The following LSP1 variants were observed in gnomAD, a reference collection of about 807,000 sequenced individuals.
The protein encoded by LSP1 is lymphocyte-specific protein 1.
LSP1 carries 32 observed loss-of-function variants against 49.3 expected under a neutral mutation model. The ratio of observed to expected loss-of-function variants is 0.65; its 90% CI spans 0.49 to 0.87. LSP1 has a LOEUF of 0.87. Ranked by LOEUF, LSP1 falls within the 40% of genes least tolerant of loss-of-function variation. The probability of loss-of-function intolerance (pLI) is 0.00; values close to 1 mark genes in which losing one functional copy is unlikely to be tolerated. For synonymous variants in LSP1, 179 were observed against 178.8 expected (o/e 1.00, Z -0.01); for missense variants, 428 against 442.6 (o/e 0.97, Z 0.30).
At chr11:1,866,319 C>G in intron 1 of LSP1, 2 of 647,094 alleles carry the variant, frequency 3.1e-6, no homozygotes, top group East Asian at 5.8e-5. Flanking sequence ...TTGCCACTGC[C>G]CACCCAGGCC....
intron 1 of LSP1, among the ~76,000 whole-genome samples, chr11:1,861,891 A>T (rs1306994710): frequency 1.2e-4 from 17 of 141,024 alleles, no homozygotes; most frequent in African/African-American, 4.6e-4. Context: ...GGATGAATAG[A>T]TGGATGGGTG....
At chr11:1,857,102 G>T (rs1847508267) in intron 1 of LSP1, among the ~76,000 whole-genome samples, 1 of 152,238 alleles carries the variant, frequency 6.6e-6, no homozygotes, top group African/African-American at 2.4e-5. Flanking sequence ...AGTTTCCCAG[G>T]GAAGCAGAAG....
At chr11:1,870,340 G>T in intron 1 of LSP1, 1 of 1,285,204 alleles carries the variant, frequency 7.8e-7, no homozygotes, top group South Asian at 1.2e-5. Context: ...AGCACCCGGG[G>T]ACATACACCG....
At chr11:1,872,589 G>A (rs1311176461) in intron 1 of LSP1, among the ~76,000 whole-genome samples, 2 of 137,338 alleles carry the variant, frequency 1.5e-5, no homozygotes, top group Admixed American at 7.1e-5. Flanking sequence ...GAGGGGGTGT[G>A]TGTGGCAGGC....
intron 1 of LSP1, chr11:1,866,902 G>A: frequency 1.3e-6 from 2 of 1,515,454 alleles, no homozygotes; most frequent in Non-Finnish European, 8.8e-7. Flanking sequence ...AGCACCAACT[G>A]CAGCCCCAGG....
At chr11:1,868,623 G>A in intron 1 of LSP1, 10 of 982,140 alleles carry the variant, frequency 1.0e-5, no homozygotes, top group Non-Finnish European at 1.1e-5. Context: ...GGCTGCCTTG[G>A]GCCCATCCAG....
At chr11:1,872,276 CG>C (rs1848062125) in intron 1 of LSP1, among the ~76,000 whole-genome samples, 22 of 43,696 alleles carry the variant, frequency 5.0e-4, no homozygotes, top group South Asian at 2.3e-3. Flanking sequence ...GGGGTCTGTC[CG>C]GCTGGCGTGG....
rs539424196 is a variant in LSP1, at chr11:1,872,479, C to A, written c.54-7608C>A. Among the ~76,000 whole-genome samples the A allele has an allele frequency of 1.5e-3, 196 of 132,382 alleles. 1 individual carries two copies. The highest frequency in any genetic ancestry group is 4.1e-3 in the African/African-American group (139 of 34,182). The allele number at this position is 132,382 out of a possible 152,430, so 86.8% of individuals were successfully genotyped here. On this transcript the variant is annotated intron_variant, in intron 1 of 10. Transcript: ENST00000311604. ...GGGGTCTGTCCGCTGGCGTGGGCAC[C>A]TTTGGGATGGGGTGTGTGTGGTGGG...
intron 1 of LSP1, among the ~76,000 whole-genome samples, chr11:1,856,303 T>C (rs907614): frequency 0.66 from 100,256 of 152,192 alleles, 33,207 homozygotes; most frequent in East Asian, 0.78. Flanking sequence ...TGGGTGGCCA[T>C]GCCAGGCCCT....
chr11:1,868,127 A>C (rs1006044053), intron 1 of LSP1, among the ~76,000 whole-genome samples: 3 of 152,184 alleles, frequency 2.0e-5, no homozygotes, highest in Non-Finnish European at 4.4e-5. Context: ...AGGGGACCTC[A>C]AGAGGACTTC....
intron 1 of LSP1, among the ~76,000 whole-genome samples, chr11:1,861,062 G>A (rs900175955): frequency 1.3e-5 from 2 of 152,140 alleles, no homozygotes; most frequent in East Asian, 3.8e-4. Context: ...TTAGAAAGAC[G>A]GATGTGTGAG....
chr11:1,881,366 G>A, intron 2 of LSP1, 66 bp from the exon 3 acceptor site: 2 of 1,448,502 alleles, frequency 1.4e-6, no homozygotes, highest in Non-Finnish European at 1.8e-6. Flanking sequence ...GCCGTGAGGT[G>A]AGTGTGGGCC....
Position 1,853,195 on chromosome 11 carries a change from G to A in LSP1, c.51G>A (p.Leu17=). ...DPGAEEREEL[L]GPTAQWSVED... ...GTGCCGAGGAGCGGGAAGAGTTGCT[G>A]GGGTAAGGGTCTGCGGCGACGCCCG... The change falls in exon 1 of 11, where the codon CTG becomes CTA. Residue 17 remains leucine (L), a splice_region_variant and synonymous_variant. Transcript: ENST00000311604. The A allele has an allele frequency of 5.0e-6, 8 of 1,610,346 alleles. No homozygotes were observed. The highest frequency in any genetic ancestry group is 4.4e-5 in the South Asian group (4 of 90,458).
intron 1 of LSP1, chr11:1,871,334 G>T: frequency 2.0e-6 from 2 of 986,176 alleles, no homozygotes; most frequent in Middle Eastern, 5.2e-4. Flanking sequence ...CCGCAGATGG[G>T]GGCAGAGATG....
At chr11:1,874,751 G>A (rs1848236953) in intron 1 of LSP1, among the ~76,000 whole-genome samples, 1 of 152,172 alleles carries the variant, frequency 6.6e-6, no homozygotes. Flanking sequence ...GCAGACGGAG[G>A]AGTGGAGGCT....
intron 2 of LSP1, 46 bp from the exon 3 acceptor site, chr11:1,881,385 AG>A (rs1349899692): frequency 6.6e-7 from 1 of 1,513,456 alleles, no homozygotes; most frequent in Admixed American, 2.2e-5. Flanking sequence ...CCCTGGGCAG[AG>A]GAGGCAGCAG....
In LSP1 at chr11:1,880,099, G is replaced by A. The variant is rs1848474612; in HGVS notation, c.66G>A (p.Gln22=). 7 of 1,609,756 alleles carry A rather than the reference G, an allele frequency of 4.3e-6. No individual in the cohort carries two copies. Among genetic ancestry groups the A allele is most frequent in the Middle Eastern group, 1.6e-4 (1 of 6,068 alleles). Residue 22 remains glutamine (Q), a synonymous_variant, in exon 2 of 11, where the codon CAG becomes CAA. Coordinates refer to ENST00000311604, the MANE Select transcript of LSP1 (RefSeq NM_002339.3). ...TGTCCCCCACTAGGCCCACTGCTCAGTGGAGCGTGGAGGACGAGGAGGAGG... is the reference window on the plus strand; with the variant it reads ...TGTCCCCCACTAGGCCCACTGCTCAATGGAGCGTGGAGGACGAGGAGGAGG... ...EREELLGPTA[Q]WSVEDEEEAV...
At chr11:1,860,245 G>A (rs1847590263) in intron 1 of LSP1, among the ~76,000 whole-genome samples, 1 of 145,006 alleles carries the variant, frequency 6.9e-6, no homozygotes, top group Non-Finnish European at 1.5e-5. Context: ...AGGAACAAAT[G>A]GATGGATGGA....
intron 8 of LSP1, 120 bp downstream of exon 8, chr11:1,886,986 G>A (rs1848780900): frequency 7.8e-7 from 1 of 1,279,220 alleles, no homozygotes; most frequent in African/African-American, 1.5e-5. Flanking sequence ...TGGGTATACA[G>A]AACCCTGAGG....
Sources: allele counts gnomAD v4.1 joint callset (sites outside exome capture counted in the v4.1 genomes callset), GRCh38; gene constraint gnomAD v4.1.1; transcripts MANE v1.5; gene names NCBI Gene and HGNC (gene_info 2026-07-23, HGNC 2026-07-21).